Variants in PRR16 observed in about 807,000 individuals in gnomAD.
PRR16 encodes proline rich 16.
In PRR16, 6 loss-of-function variants were observed where a neutral mutation model predicts 18.2. The observed-to-expected ratio is 0.33, with a 90% CI of 0.18 to 0.65. The LOEUF (loss-of-function observed/expected upper bound fraction) is 0.65, where lower values mean the gene tolerates loss of function less well. PRR16 is among the 30% of genes least tolerant of loss of function. PRR16 has a pLI of 0.74. For missense variants in PRR16, 412 were observed against 376.6 expected (o/e 1.09, Z -0.78); for synonymous variants, 151 against 147.8 (o/e 1.02, Z -0.16).
chr5:120,735,474 ATTTG>A, the PRR16 span, among the ~76,000 whole-genome samples: 1 of 152,036 alleles, frequency 6.6e-6, no homozygotes, highest in African/African-American at 2.4e-5. Flanking sequence ...CCTTACCCAT[ATTTG>A]TTATTTTCTG....
chr5:120,793,176 C>T, the PRR16 span, among the ~76,000 whole-genome samples: 1 of 151,942 alleles, frequency 6.6e-6, no homozygotes, highest in Admixed American at 6.6e-5. Context: ...CATACCTAAA[C>T]ATATAAAAGA....
At chr5:120,552,136 G>A (rs547169629) in intron 1 of PRR16, among the ~76,000 whole-genome samples, 1 of 152,038 alleles carries the variant, frequency 6.6e-6, no homozygotes, top group African/African-American at 2.4e-5. Flanking sequence ...ACCATTTTCA[G>A]AAGATCATGT....
At chr5:120,687,680 T>C (rs1757162358), downstream of PRR16, among the ~76,000 whole-genome samples, 1 of 152,204 alleles carries the variant, frequency 6.6e-6, no homozygotes, top group Admixed American at 6.6e-5. Flanking sequence ...TATAGGGGGA[T>C]ATCTGAATGC....
At chr5:120,718,153 C>G in the PRR16 span, among the ~76,000 whole-genome samples, 1 of 152,078 alleles carries the variant, frequency 6.6e-6, no homozygotes, top group South Asian at 2.1e-4. Flanking sequence ...AATATTTCGA[C>G]AAAATTTTCC....
chr5:120,705,746 G>A, the PRR16 span, among the ~76,000 whole-genome samples: 1 of 152,070 alleles, frequency 6.6e-6, no homozygotes, highest in East Asian at 1.9e-4. Context: ...GATAGTAAGT[G>A]TAAACAATTC....
rs530665848 is a variant in PRR16 at position 120,469,082 on chromosome 5, T to C, written c.159+4437T>C. Among the ~76,000 whole-genome samples the C allele has an allele frequency of 2.0e-5, 3 of 152,302 alleles. No individual in the cohort carries two copies. In the East Asian group the frequency reaches 5.8e-4, roughly 29 times the overall value. On this transcript the variant is annotated intron_variant, in intron 1 of 1. Transcript: ENST00000407149. ...TTACAATGGCATAAACTGAAATAAA[T>C]TTAAGTTGAATTTTGAACAATTTGA...
At chr5:120,534,024 A>C (rs1318330326) in intron 1 of PRR16, among the ~76,000 whole-genome samples, 2 of 152,208 alleles carry the variant, frequency 1.3e-5, no homozygotes, top group African/African-American at 4.8e-5. Flanking sequence ...AGAAGGCTGC[A>C]TGTGGGACAG....
chr5:120,515,114 C>A (rs1042021984), intron 1 of PRR16, among the ~76,000 whole-genome samples: 1 of 152,188 alleles, frequency 6.6e-6, no homozygotes, highest in Admixed American at 6.5e-5. Context: ...AGTGCTGCAT[C>A]TGGTGACAAC....
At chr5:120,471,277 A>G (rs1455049647) in intron 1 of PRR16, among the ~76,000 whole-genome samples, 1 of 152,180 alleles carries the variant, frequency 6.6e-6, no homozygotes, top group African/African-American at 2.4e-5. Flanking sequence ...TATTACATAG[A>G]TTTTTAATAT....
chr5:120,472,995 T>A (rs1258658339), intron 1 of PRR16, among the ~76,000 whole-genome samples: 1 of 152,196 alleles, frequency 6.6e-6, no homozygotes, highest in Non-Finnish European at 1.5e-5. Flanking sequence ...TTGTTTTATT[T>A]TTTTCTTATG....
intron 1 of PRR16, among the ~76,000 whole-genome samples, chr5:120,626,535 G>A (rs929169486): frequency 1.3e-5 from 2 of 152,060 alleles, no homozygotes; most frequent in African/African-American, 4.8e-5. Flanking sequence ...TGCAATGGTT[G>A]CACAAACCTG....
chr5:120,496,620 A>G (rs923479972), intron 1 of PRR16, among the ~76,000 whole-genome samples: 4 of 151,562 alleles, frequency 2.6e-5, no homozygotes, highest in Non-Finnish European at 4.4e-5. Flanking sequence ...ATCTTTTTCG[A>G]GATTTGTAAA....
At chr5:120,625,381 G>A (rs1754830533) in intron 1 of PRR16, among the ~76,000 whole-genome samples, 1 of 152,096 alleles carries the variant, frequency 6.6e-6, no homozygotes, top group African/African-American at 2.4e-5. Context: ...CCAGGCTGGA[G>A]TTCAGTGACA....
chr5:120,716,115 G>A, the PRR16 span, among the ~76,000 whole-genome samples: 1 of 152,130 alleles, frequency 6.6e-6, no homozygotes, highest in Non-Finnish European at 1.5e-5. Flanking sequence ...CCAACATGAG[G>A]AAATGTTCTC....
intron 1 of PRR16, among the ~76,000 whole-genome samples, chr5:120,491,619 C>G (rs140630252): frequency 0.012 from 1,870 of 152,180 alleles, 17 homozygotes; most frequent in Admixed American, 0.021. Context: ...TCTTGGCTCA[C>G]TGCAACCTCT....
intron 1 of PRR16, among the ~76,000 whole-genome samples, chr5:120,501,650 A>G (rs1184283457): frequency 6.6e-6 from 1 of 152,148 alleles, no homozygotes; most frequent in Non-Finnish European, 1.5e-5. Context: ...TTGAAAAATG[A>G]ACACATAATG....
At chr5:120,489,471 C>T (rs902730689) in intron 1 of PRR16, among the ~76,000 whole-genome samples, 11 of 152,170 alleles carry the variant, frequency 7.2e-5, no homozygotes, top group Non-Finnish European at 1.3e-4. Context: ...ACTAGGATTG[C>T]AGCCCCTGCC....
intron 1 of PRR16, among the ~76,000 whole-genome samples, chr5:120,584,123 G>A (rs1753362569): frequency 6.6e-6 from 1 of 152,154 alleles, no homozygotes; most frequent in South Asian, 2.1e-4. Context: ...GAAAAGAATG[G>A]AGAAATGATG....
At chr5:120,786,395 G>A in the PRR16 span, among the ~76,000 whole-genome samples, 2,045 of 151,686 alleles carry the variant, frequency 0.013, 49 homozygotes, top group African/African-American at 0.048. Context: ...TGGGAGGGCT[G>A]CTTTTAACAG....
Sources: allele counts gnomAD v4.1 joint callset (sites outside exome capture counted in the v4.1 genomes callset), GRCh38; gene constraint gnomAD v4.1.1; transcripts MANE v1.5; gene names NCBI Gene and HGNC (gene_info 2026-07-23, HGNC 2026-07-21).